PHF21B: variants seen among roughly 807,000 people sequenced by gnomAD.
PHF21B encodes the protein PHD finger protein 21B.
Under a neutral mutation model 62.2 loss-of-function variants are expected in PHF21B, and 22 were observed. The observed-to-expected ratio is 0.35, with a 90% CI of 0.25 to 0.51. PHF21B has a LOEUF of 0.51. PHF21B is among the 20% of genes least tolerant of loss of function. The probability of loss-of-function intolerance (pLI) is 0.97; values close to 1 mark genes in which losing one functional copy is unlikely to be tolerated. For missense variants in PHF21B, 701 were observed against 707.9 expected (o/e 0.99, Z 0.11); for synonymous variants, 341 against 314.7 (o/e 1.08, Z -0.88).
intron 2 of PHF21B, among the ~76,000 whole-genome samples, chr22:44,971,659 C>T (rs1175945528): frequency 6.6e-6 from 1 of 152,226 alleles, no homozygotes; most frequent in Non-Finnish European, 1.5e-5. Flanking sequence ...TCTCCCTTCC[C>T]AGAAAACTTA....
chr22:45,000,092 C>T (rs2073187697), intron 2 of PHF21B, among the ~76,000 whole-genome samples: 3 of 152,230 alleles, frequency 2.0e-5, no homozygotes, highest in Middle Eastern at 3.4e-3. Context: ...CTGCCCCAAG[C>T]GGAAGGAGCC....
At chr22:44,883,361 G>GCA in intron 12 of PHF21B, 57 bp from the exon 13 acceptor site, 2 of 1,542,860 alleles carry the variant, frequency 1.3e-6, no homozygotes, top group Non-Finnish European at 1.8e-6. Context: ...CAGCCATCCT[G>GCA]GGGCAGCCAC....
chr22:44,963,555 G>A (rs572254785), intron 2 of PHF21B, among the ~76,000 whole-genome samples: 12 of 152,320 alleles, frequency 7.9e-5, no homozygotes, highest in African/African-American at 2.9e-4. Context: ...AAGAAGTGGG[G>A]CTGAAGGACG....
At chr22:44,997,039 C>A (rs536561587) in intron 2 of PHF21B, among the ~76,000 whole-genome samples, 296 of 152,352 alleles carry the variant, frequency 1.9e-3, no homozygotes, top group Non-Finnish European at 3.2e-3. Context: ...CTGTCTCCCC[C>A]CCGAGTCTCT....
At chr22:44,955,117 A>T (rs1167080822) in intron 2 of PHF21B, among the ~76,000 whole-genome samples, 1 of 152,178 alleles carries the variant, frequency 6.6e-6, no homozygotes, top group Admixed American at 6.5e-5. Flanking sequence ...GGTTAAGAAG[A>T]AGTCAGCGGT....
chr22:44,908,800 G>A (rs897373525), intron 5 of PHF21B, among the ~76,000 whole-genome samples: 5 of 152,200 alleles, frequency 3.3e-5, no homozygotes, highest in African/African-American at 4.8e-5. Flanking sequence ...GCATGTATGT[G>A]TGTATGTATG....
At chr22:44,898,375 C>G (rs1303544371) in intron 5 of PHF21B, among the ~76,000 whole-genome samples, 1 of 152,166 alleles carries the variant, frequency 6.6e-6, no homozygotes, top group Non-Finnish European at 1.5e-5. Flanking sequence ...AGACCACCCA[C>G]CTGACTCATA....
chr22:44,964,127 T>C (rs188829641), intron 2 of PHF21B, among the ~76,000 whole-genome samples: 167 of 152,306 alleles, frequency 1.1e-3, no homozygotes, highest in African/African-American at 4.0e-3. Flanking sequence ...GTGGGGAAGA[T>C]GAAACAGATG....
Position 45,009,422 on chromosome 22 carries a change from C to A in PHF21B, c.54+74G>T, listed in dbSNP as rs1024173279. The A allele has an allele frequency of 2.8e-6, 4 of 1,409,954 alleles. No individual in the cohort carries two copies. In the Admixed American group the frequency reaches 7.2e-5, roughly 25 times the overall value. The allele number at this position is 1,409,954 out of a possible 1,614,324, so 87.3% of individuals were successfully genotyped here. A position where few individuals can be genotyped will look rare whatever the true frequency, so the allele number is the denominator to read the frequency against. The stretch of plus-strand genomic sequence containing the variant: ...ACCCAGAGACCCGGAAGAGAGGATG[C>A]TGGGCTCGGGTCCCCCGACCCCCTC... On this transcript the variant is annotated intron_variant, in intron 1 of 12. Coordinates refer to ENST00000313237, the MANE Select transcript of PHF21B (RefSeq NM_138415.5). This position sits in a 1 kb window ranked among gnomAD's most constrained non-coding sequence, Gnocchi z 5.9.
intron 2 of PHF21B, among the ~76,000 whole-genome samples, chr22:45,004,449 G>A (rs738625): frequency 0.99 from 151,502 of 152,340 alleles, 75,347 homozygotes; most frequent in Middle Eastern, 1. Flanking sequence ...GGGTGAAACC[G>A]GGCTAGGCCT....
At chr22:44,944,109 C>G (rs2072016554) in intron 2 of PHF21B, among the ~76,000 whole-genome samples, 1 of 152,216 alleles carries the variant, frequency 6.6e-6, no homozygotes, top group Non-Finnish European at 1.5e-5. Context: ...GCCTCAGTTT[C>G]TCCATCTGTA....
intron 2 of PHF21B, among the ~76,000 whole-genome samples, chr22:44,982,902 GA>G (rs3842467): frequency 0.9 from 136,261 of 152,156 alleles, 61,081 homozygotes; most frequent in Middle Eastern, 0.94. Context: ...AAAGCCAGCA[GA>G]GATTATGAAA....
intron 2 of PHF21B, among the ~76,000 whole-genome samples, chr22:44,958,556 C>CT (rs1331220289): frequency 6.8e-6 from 1 of 146,506 alleles, no homozygotes; most frequent in African/African-American, 2.5e-5. Context: ...CTATTCTACT[C>CT]TTTGAGAGAT....
intron 2 of PHF21B, among the ~76,000 whole-genome samples, chr22:44,924,852 C>G (rs148398192): frequency 1.3e-5 from 2 of 152,186 alleles, no homozygotes; most frequent in African/African-American, 4.8e-5. Flanking sequence ...GAGACTTGTA[C>G]GTGAATGTTC....
intron 2 of PHF21B, among the ~76,000 whole-genome samples, chr22:44,977,578 A>AT (rs2072761044): frequency 6.6e-6 from 1 of 151,294 alleles, no homozygotes. Context: ...AAAAAAAAAA[A>AT]GGATATCGCT....
At chr22:44,957,533 T>C (rs16993202) in intron 2 of PHF21B, among the ~76,000 whole-genome samples, 19,322 of 152,202 alleles carry the variant, frequency 0.13, 1,391 homozygotes, top group South Asian at 0.28. Flanking sequence ...ACAGAATCAA[T>C]AGTCAGCCCT....
intron 2 of PHF21B, among the ~76,000 whole-genome samples, chr22:44,949,749 TCA>T (rs753021244): frequency 3.3e-5 from 5 of 152,174 alleles, no homozygotes; most frequent in Non-Finnish European, 7.3e-5. Context: ...GTCCATCTCC[TCA>T]CAGAGCCGCG....
intron 3 of PHF21B, among the ~76,000 whole-genome samples, chr22:44,917,008 G>A (rs2071448458): frequency 6.6e-6 from 1 of 152,254 alleles, no homozygotes; most frequent in South Asian, 2.1e-4. Context: ...TTGGAAGTCT[G>A]GAAAGCGCTG....
Position 44,881,278 on chromosome 22 carries a change from A to G in PHF21B, c.*1808T>C, listed in dbSNP as rs1282595242. On this transcript the variant is annotated 3_prime_UTR_variant, in exon 13 of 13. Transcript: ENST00000313237. ...CCACTGGACGGTCCTCCTTGGTCCA[A>G]AAAAAACCTAACAATCTCAAGACAC... 5.9e-5 allele frequency: 9 copies of G among 152,800 alleles called. No individual in the cohort carries two copies. Among genetic ancestry groups the G allele is most frequent in the Admixed American group, 5.2e-4 (8 of 15,310 alleles). The allele number at this position is 152,800 out of a possible 1,614,324, so 9.5% of individuals were successfully genotyped here. A position where few individuals can be genotyped will look rare whatever the true frequency, so the allele number is the denominator to read the frequency against.
Sources: allele counts gnomAD v4.1 joint callset (sites outside exome capture counted in the v4.1 genomes callset), GRCh38; gene constraint gnomAD v4.1.1; non-coding constraint Gnocchi (gnomAD v3.1); transcripts MANE v1.5; gene names NCBI Gene and HGNC (gene_info 2026-07-23, HGNC 2026-07-21).